ADGRL2: variants seen among roughly 807,000 people sequenced by gnomAD.
ADGRL2 encodes the protein calcium-independent alpha-latrotoxin receptor 2.
A neutral mutation model predicts 157.4 loss-of-function variants in ADGRL2; 44 were observed. The observed-to-expected ratio is 0.28, with a 90% CI of 0.22 to 0.36. The LOEUF is 0.36. ADGRL2 is among the 10% of genes least tolerant of loss of function. ADGRL2 has a pLI of 1.00. For missense variants in ADGRL2, 1,510 were observed against 1,768.9 expected (o/e 0.85, Z 2.63); for synonymous variants, 585 against 624.7 (o/e 0.94, Z 0.95).
At chr1:81,691,590 C>A (rs2148992058) in intron 3 of ADGRL2, among the ~76,000 whole-genome samples, 1 of 151,968 alleles carries the variant, frequency 6.6e-6, no homozygotes, top group South Asian at 2.1e-4. Context: ...CCTCCACTTC[C>A]TGGGTTCAAG....
At chr1:81,437,611 C>T (rs893021061) in intron 1 of ADGRL2, among the ~76,000 whole-genome samples, 3 of 152,072 alleles carry the variant, frequency 2.0e-5, no homozygotes, top group African/African-American at 4.8e-5. Flanking sequence ...TGATAATTGC[C>T]CTCTCTATTA....
At chr1:81,807,350 C>T (rs943082721) in intron 1 of ADGRL2, among the ~76,000 whole-genome samples, 1 of 151,904 alleles carries the variant, frequency 6.6e-6, no homozygotes, top group African/African-American at 2.4e-5. Flanking sequence ...ACTAATTATT[C>T]TATAGCCCCA....
intron 3 of ADGRL2, among the ~76,000 whole-genome samples, chr1:81,924,150 T>G (rs1336650107): frequency 1.3e-5 from 2 of 152,194 alleles, no homozygotes; most frequent in Non-Finnish European, 2.9e-5. Flanking sequence ...CCCGCATATG[T>G]GTGTGCCTCC....
At chr1:81,726,734 C>A (rs551507777) in intron 1 of ADGRL2, among the ~76,000 whole-genome samples, 7 of 152,244 alleles carry the variant, frequency 4.6e-5, no homozygotes, top group Non-Finnish European at 1.0e-4. Flanking sequence ...CTGATAGTTT[C>A]ATTTCACGTT....
chr1:81,607,074 T>TTAAGC (rs2081449536), intron 3 of ADGRL2, among the ~76,000 whole-genome samples: 1 of 152,230 alleles, frequency 6.6e-6, no homozygotes, highest in African/African-American at 2.4e-5. Flanking sequence ...TTTGTAATTC[T>TTAAGC]TAAGCTAAGC....
intron 1 of ADGRL2, among the ~76,000 whole-genome samples, chr1:81,327,368 G>T (rs1174431356): frequency 6.6e-6 from 1 of 152,094 alleles, no homozygotes; most frequent in African/African-American, 2.4e-5. Flanking sequence ...GATAATAAAG[G>T]TTCACTATCT....
At chr1:81,701,100 A>T (rs2083562775) in intron 1 of ADGRL2, among the ~76,000 whole-genome samples, 1 of 152,244 alleles carries the variant, frequency 6.6e-6, no homozygotes, top group Non-Finnish European at 1.5e-5. Flanking sequence ...TACTGTAGTT[A>T]GCAAACAGAT....
In ADGRL2 at chr1:81,943,874, T is replaced by A; in HGVS notation, c.1210+105T>A. Reference sequence around the variant, plus strand: ...CCTATTTTCTTCCCCTTTTCATAGTTAAAGGACAAAGGACAATGTTGTGGT... The same window carrying A: ...CCTATTTTCTTCCCCTTTTCATAGTAAAAGGACAAAGGACAATGTTGTGGT... On this transcript the variant is annotated intron_variant, in intron 6 of 23. Coordinates refer to ENST00000686636, the MANE Select transcript of ADGRL2 (RefSeq NM_001366006.2). This position sits in a 1 kb window ranked among gnomAD's most constrained non-coding sequence, Gnocchi z 5.6. The A allele has an allele frequency of 4.8e-6, 4 of 835,270 alleles. No homozygotes were observed. Among genetic ancestry groups the A allele is most frequent in the Non-Finnish European group, 7.5e-6 (4 of 533,430 alleles). The allele number at this position is 835,270 out of a possible 1,614,324, so 51.7% of individuals were successfully genotyped here. A position where few individuals can be genotyped will look rare whatever the true frequency, so the allele number is the denominator to read the frequency against.
At chr1:81,542,356 T>C (rs759673846) in intron 2 of ADGRL2, among the ~76,000 whole-genome samples, 3 of 152,206 alleles carry the variant, frequency 2.0e-5, no homozygotes, top group Admixed American at 6.5e-5. Context: ...GAATGGTAAT[T>C]CTGATATCCT....
chr1:81,703,591 A>C (rs1207610750), intron 1 of ADGRL2, among the ~76,000 whole-genome samples: 1 of 152,152 alleles, frequency 6.6e-6, no homozygotes, highest in Non-Finnish European at 1.5e-5. Flanking sequence ...AGTATAGGAA[A>C]GGGTGGAAAT....
chr1:81,834,168 TACCCTCCCAGTTCCTCCCCC>T (rs933866396), intron 1 of ADGRL2, among the ~76,000 whole-genome samples: 3 of 152,178 alleles, frequency 2.0e-5, no homozygotes, highest in African/African-American at 7.2e-5. Flanking sequence ...ACTACACCTC[TACCCTCCCAGTTCCTCCCCC>T]ACTTCATCCT....
intron 3 of ADGRL2, among the ~76,000 whole-genome samples, chr1:81,921,906 C>T (rs1346279681): frequency 1.3e-5 from 2 of 151,952 alleles, no homozygotes; most frequent in Non-Finnish European, 2.9e-5. Context: ...AGCAAATGTG[C>T]CAAACACTCT....
At chr1:81,615,393 A>G (rs896817014) in intron 3 of ADGRL2, among the ~76,000 whole-genome samples, 3 of 152,212 alleles carry the variant, frequency 2.0e-5, no homozygotes, top group African/African-American at 7.2e-5. Flanking sequence ...CGCTCTTCGC[A>G]ATAAATCTTG....
At chr1:81,638,019 G>A (rs979462328) in intron 3 of ADGRL2, among the ~76,000 whole-genome samples, 3 of 151,620 alleles carry the variant, frequency 2.0e-5, no homozygotes, top group Non-Finnish European at 2.9e-5. Context: ...ACTGTGGTTT[G>A]GTCAATGACA....
chr1:81,464,933 GAAAA>G (rs199573052), intron 2 of ADGRL2, among the ~76,000 whole-genome samples: 2 of 138,786 alleles, frequency 1.4e-5, no homozygotes, highest in African/African-American at 5.4e-5. Flanking sequence ...CCACCAGGGA[GAAAA>G]AAAAAAAAAA....
chr1:81,765,690 T>C (rs2149324954), intron 2 of ADGRL2, among the ~76,000 whole-genome samples: 1 of 152,150 alleles, frequency 6.6e-6, no homozygotes, highest in Non-Finnish European at 1.5e-5. Context: ...TGAATAAAGG[T>C]TGAATGCATA....
chr1:81,972,002 G>A (rs2149343476), intron 17 of ADGRL2, 84 bp downstream of exon 17: 1 of 789,242 alleles, frequency 1.3e-6, no homozygotes, highest in South Asian at 1.8e-5. Context: ...TTTATTGTTT[G>A]TTTATCTATC....
intron 3 of ADGRL2, among the ~76,000 whole-genome samples, chr1:81,676,521 G>A (rs930101283): frequency 6.6e-5 from 10 of 151,404 alleles, no homozygotes; most frequent in Admixed American, 2.0e-4. Context: ...GGCTGTTTTT[G>A]AACTTCTGGA....
At chr1:81,674,518 T>TTG (rs1467646397) in intron 3 of ADGRL2, among the ~76,000 whole-genome samples, 1 of 152,212 alleles carries the variant, frequency 6.6e-6, no homozygotes, top group Non-Finnish European at 1.5e-5. Context: ...TGTTGCTGTT[T>TTG]TTATTTGCGC....
Sources: allele counts gnomAD v4.1 joint callset (sites outside exome capture counted in the v4.1 genomes callset), GRCh38; gene constraint gnomAD v4.1.1; non-coding constraint Gnocchi (gnomAD v3.1); transcripts MANE v1.5; gene names NCBI Gene and HGNC (gene_info 2026-07-23, HGNC 2026-07-21).